Variants in CD1B observed in about 807,000 individuals in gnomAD.
CD1B encodes T-cell surface glycoprotein CD1b.
A neutral mutation model predicts 39.8 loss-of-function variants in CD1B; 43 were observed. The observed-to-expected ratio is 1.08, with a 90% CI of 0.85 to 1.39. CD1B has a LOEUF of 1.39. Among genes scored for constraint, CD1B ranks in the 40% most tolerant of loss-of-function variants. The probability of loss-of-function intolerance (pLI) is 0.00; values close to 1 mark genes in which losing one functional copy is unlikely to be tolerated. For synonymous variants in CD1B, 192 were observed against 152.5 expected, an observed-to-expected ratio of 1.26 and a Z score of -1.91; for missense variants, 495 against 403.8, an observed-to-expected ratio of 1.23 and a Z score of -1.94.
chr1:158,315,707 G>A, the CD1B span, among the ~76,000 whole-genome samples: 6 of 151,802 alleles, frequency 4.0e-5, no homozygotes, highest in Non-Finnish European at 5.9e-5. Context: ...ATTGCTTTTG[G>A]TGTTTTAGAC....
chr1:158,289,127 A>G, the CD1B span, among the ~76,000 whole-genome samples: 1 of 152,244 alleles, frequency 6.6e-6, no homozygotes, highest in African/African-American at 2.4e-5. Flanking sequence ...ATGCTGCTCT[A>G]GAGAATATAG....
At chr1:158,285,520 G>C in the CD1B span, among the ~76,000 whole-genome samples, 1 of 152,146 alleles carries the variant, frequency 6.6e-6, no homozygotes, top group Non-Finnish European at 1.5e-5. Flanking sequence ...TCAAACAAAG[G>C]ATAAGTAGAA....
the CD1B span, among the ~76,000 whole-genome samples, chr1:158,322,550 A>AT: frequency 6.6e-6 from 1 of 152,056 alleles, no homozygotes; most frequent in African/African-American, 2.4e-5. Context: ...GGTTACAGCC[A>AT]TGAGCTACCA....
the CD1B span, among the ~76,000 whole-genome samples, chr1:158,308,602 A>C: frequency 5.3e-5 from 8 of 152,238 alleles, no homozygotes; most frequent in Non-Finnish European, 8.8e-5. Context: ...TACAGTAACC[A>C]AAACAGCATG....
chr1:158,291,323 T>C, the CD1B span: 1 of 1,614,132 alleles, frequency 6.2e-7, no homozygotes. Flanking sequence ...TTGTCAGACC[T>C]AGAGTTGTTA....
At chr1:158,303,055 C>T in the CD1B span, among the ~76,000 whole-genome samples, 20 of 152,088 alleles carry the variant, frequency 1.3e-4, no homozygotes, top group Non-Finnish European at 2.4e-4. Flanking sequence ...CAAAGCAAAT[C>T]CAGGATCATA....
the CD1B span, among the ~76,000 whole-genome samples, chr1:158,296,916 G>A: frequency 4.0e-5 from 6 of 151,846 alleles, no homozygotes; most frequent in African/African-American, 1.5e-4. Flanking sequence ...TAATACAGAA[G>A]GATGAACAAA....
chr1:158,309,616 T>C, the CD1B span, among the ~76,000 whole-genome samples: 1 of 151,894 alleles, frequency 6.6e-6, no homozygotes, highest in African/African-American at 2.4e-5. Flanking sequence ...ATTAAGAAAA[T>C]GTGGCACATA....
the CD1B span, among the ~76,000 whole-genome samples, chr1:158,308,178 T>G: frequency 6.6e-6 from 1 of 152,068 alleles, no homozygotes; most frequent in Non-Finnish European, 1.5e-5. Context: ...ACAAGCATTC[T>G]TACACACCAG....
chr1:158,289,786 A>G, the CD1B span: 2 of 357,334 alleles, frequency 5.6e-6, no homozygotes, highest in Non-Finnish European at 1.0e-5. Context: ...ACTTTGTCTA[A>G]GGCAGTTGAG....
Position 158,328,925 on chromosome 1 carries a change from G to T in CD1B, c.976C>A (p.Arg326Ser). ...ACAACACCACCCACAACTCACCGGC[G>T]CCTCATATACCATAATGCAAGGCAT... ...LLCLALWYMR[R>S]RSYQNIP Residue 326 changes from arginine to serine, a missense_variant, in exon 5 of 6, where the codon CGC (arginine) becomes AGC (serine). Coordinates refer to ENST00000368168, the MANE Select transcript of CD1B (RefSeq NM_001764.3). 1 of 1,597,198 alleles carries T rather than the reference G, an allele frequency of 6.3e-7. No individual in the cohort carries two copies. Among genetic ancestry groups the T allele is most frequent in the Non-Finnish European group, 8.5e-7 (1 of 1,173,834 alleles).
the CD1B span, among the ~76,000 whole-genome samples, chr1:158,289,233 T>G: frequency 3.9e-5 from 6 of 152,220 alleles, no homozygotes; most frequent in Non-Finnish European, 1.5e-5. Context: ...TAAAACTCTT[T>G]GATAGAAGAG....
the CD1B span, among the ~76,000 whole-genome samples, chr1:158,311,854 T>A: frequency 5.9e-5 from 9 of 152,344 alleles, no homozygotes; most frequent in African/African-American, 1.9e-4. Flanking sequence ...CGCTGATCTA[T>A]GTATCTGTTT....
chr1:158,314,334 G>A, the CD1B span, among the ~76,000 whole-genome samples: 4 of 152,116 alleles, frequency 2.6e-5, no homozygotes, highest in African/African-American at 7.2e-5. Context: ...CACCCTCCTC[G>A]GCCTCCCAAA....
chr1:158,292,022 T>G, the CD1B span: 2 of 1,520,530 alleles, frequency 1.3e-6, no homozygotes, highest in Admixed American at 4.1e-5. Flanking sequence ...AGCCCTAGGT[T>G]TTTATACTGT....
chr1:158,295,836 C>CA, the CD1B span, among the ~76,000 whole-genome samples: 2 of 147,264 alleles, frequency 1.4e-5, no homozygotes, highest in African/African-American at 5.4e-5. Flanking sequence ...TAGCTTCTGT[C>CA]ACTGGCCTCA....
At chr1:158,291,938 C>T in the CD1B span, 2 of 778,720 alleles carry the variant, frequency 2.6e-6, no homozygotes, top group Admixed American at 5.7e-5. Context: ...ATTTTTCTCT[C>T]TTGTTTCTGA....
chr1:158,323,530 T>C (rs1348548275), downstream of CD1B, among the ~76,000 whole-genome samples: 4 of 152,226 alleles, frequency 2.6e-5, no homozygotes, highest in Non-Finnish European at 5.9e-5. Flanking sequence ...CAAAATTCCC[T>C]GGTTGTTCTT....
At chr1:158,309,872 C>T in the CD1B span, among the ~76,000 whole-genome samples, 6 of 151,900 alleles carry the variant, frequency 3.9e-5, no homozygotes, top group East Asian at 9.7e-4. Flanking sequence ...AGGAGATATA[C>T]CTAATATTAA....
Sources: gnomAD v4.1 joint callset for allele counts (sites outside exome capture counted in the v4.1 genomes callset) on GRCh38, gnomAD v4.1.1 for gene constraint, MANE v1.5 for transcripts, NCBI Gene and HGNC (gene_info 2026-07-23, HGNC 2026-07-21) for gene names.